HEXB: variants seen among roughly 807,000 people sequenced by gnomAD.
HEXB encodes beta-hexosaminidase subunit beta.
In HEXB, 51 loss-of-function variants were observed where a neutral mutation model predicts 71.2. That is an observed-to-expected ratio of 0.72 (90% CI 0.57 to 0.90). HEXB has a LOEUF of 0.90. Ranked by LOEUF, HEXB falls within the 40% of genes least tolerant of loss-of-function variation. The pLI, the probability that HEXB is intolerant of heterozygous loss-of-function variation, is 0.00. For missense variants in HEXB, 617 were observed against 677.0 expected, an observed-to-expected ratio of 0.91 and a Z score of 0.98; for synonymous variants, 266 against 249.3, an observed-to-expected ratio of 1.07 and a Z score of -0.63.
chr5:74,720,384 A>T (rs754303404), intron 11 of HEXB, 44 bp from the exon 12 acceptor site: 14 of 1,335,378 alleles, frequency 1.0e-5, no homozygotes, highest in African/African-American at 1.4e-5. Flanking sequence ...GCCTCTGTGT[A>T]TAAGCTTTGA....
At chr5:74,704,969 G>A (rs543049663) in intron 5 of HEXB, among the ~76,000 whole-genome samples, 88 of 152,042 alleles carry the variant, frequency 5.8e-4, no homozygotes, top group Non-Finnish European at 9.6e-4. Context: ...GTGGGCGCCT[G>A]TAGTCCCAGC....
chr5:74,718,876 T>A lies in HEXB; in HGVS notation c.1322T>A (p.Phe441Tyr). The A allele has an allele frequency of 6.2e-7, 1 of 1,614,050 alleles. No homozygotes were observed. The highest frequency in any genetic ancestry group is 1.1e-5 in the South Asian group (1 of 91,084). Residue 441 changes from phenylalanine (F) to tyrosine (Y), a missense_variant, in exon 11 of 14, where the codon TTC becomes TAC. Physicochemically the swap from Phe to Tyr is conservative, Grantham distance 22. Transcript: ENST00000261416. ...EELSRVTASG[F>Y]PVILSAPWYL... Reference sequence around the variant, plus strand: ...CTCAGTAGAGTCACAGCATCTGGCTTCCCTGTAATCCTTTCTGCTCCTTGG... The same window carrying A: ...CTCAGTAGAGTCACAGCATCTGGCTACCCTGTAATCCTTTCTGCTCCTTGG...
At chr5:74,709,915 G>A (rs1580392548) in intron 6 of HEXB, among the ~76,000 whole-genome samples, 1 of 151,924 alleles carries the variant, frequency 6.6e-6, no homozygotes, top group East Asian at 1.9e-4. Context: ...GAAAAAGAGG[G>A]AATCCTCCCT....
At chr5:74,689,573 A>G (rs1580379689) in intron 2 of HEXB, 100 bp downstream of exon 2, 6 of 934,114 alleles carry the variant, frequency 6.4e-6, no homozygotes, top group South Asian at 3.9e-5. Context: ...TGAGTTCTCA[A>G]CCAGTGAGTT....
chr5:74,697,988 AG>A (rs1156740776), intron 5 of HEXB, among the ~76,000 whole-genome samples: 1 of 151,852 alleles, frequency 6.6e-6, no homozygotes, highest in Admixed American at 6.6e-5. Flanking sequence ...GCCAATTTGT[AG>A]GGGTGGGGAG....
chr5:74,640,470 G>C (rs1371830774), exon 1 of HEXB: 1 of 152,292 alleles, frequency 6.6e-6, no homozygotes, highest in African/African-American at 2.4e-5. Context: ...CTCGCGGACC[G>C]GCTACCGATG....
Position 74,715,638 on chromosome 5 carries a change from T to G in HEXB, c.1030T>G (p.Phe344Val). Residue 344 changes from phenylalanine to valine, a missense_variant, in exon 8 of 14, where the codon TTT (phenylalanine) becomes GTT (valine). By Grantham distance (50) the Phe-to-Val change is conservative (BLOSUM62 -1). Coordinates refer to ENST00000261416, the MANE Select transcript of HEXB (RefSeq NM_000521.4). ...ATTTTTCAAAGAAATTAGTGAGGTG[T>G]TTCCAGATCAATTCATTCATTTGGG... ...TTFFKEISEV[F>V]PDQFIHLGGD... 6.2e-7 allele frequency: 1 copy of G among 1,610,676 alleles called. No homozygotes were observed. Among genetic ancestry groups the G allele is most frequent in the Non-Finnish European group, 8.5e-7 (1 of 1,177,028 alleles).
intron 3 of HEXB, among the ~76,000 whole-genome samples, chr5:74,694,278 A>G (rs1463950283): frequency 6.6e-6 from 1 of 152,238 alleles, no homozygotes; most frequent in East Asian, 1.9e-4. Flanking sequence ...TGGGACTGTA[A>G]TGTTTATAGC....
chr5:74,714,070 C>T (rs1749617359), intron 7 of HEXB, among the ~76,000 whole-genome samples: 1 of 152,218 alleles, frequency 6.6e-6, no homozygotes, highest in African/African-American at 2.4e-5. Context: ...CTCCCCTCCT[C>T]ATGATCGGCC....
intron 5 of HEXB, among the ~76,000 whole-genome samples, chr5:74,701,454 T>C (rs563909756): frequency 2.6e-5 from 4 of 152,332 alleles, no homozygotes; most frequent in African/African-American, 9.6e-5. Context: ...TACAATTCCC[T>C]ATTGCTTTCA....
At chr5:74,686,542 T>A (rs936892949) in intron 1 of HEXB, among the ~76,000 whole-genome samples, 10 of 152,178 alleles carry the variant, frequency 6.6e-5, no homozygotes, top group Admixed American at 3.9e-4. Context: ...CTGAATAATG[T>A]GTTCTGACCC....
In HEXB at chr5:74,652,614, G is replaced by A. The variant is rs1748139809; in HGVS notation, c.-377+12056G>A. Among the ~76,000 whole-genome samples, 1 of 152,100 alleles carries A rather than the reference G, an allele frequency of 6.6e-6. No homozygotes were observed. Among genetic ancestry groups the A allele is most frequent in the South Asian group, 2.1e-4 (1 of 4,824 alleles). On this transcript the variant is annotated intron_variant, in intron 1 of 13. Transcript: ENST00000511181. This position sits in a 1 kb window ranked among gnomAD's most constrained non-coding sequence, Gnocchi z 5.4. ...TAAGACCCTAATCTGCTAGTTTGGT[G>A]GAAACTTCATTTGAGTCATGTAAGG...
At chr5:74,671,851 G>C (rs879387122) in intron 1 of HEXB, among the ~76,000 whole-genome samples, 4 of 152,280 alleles carry the variant, frequency 2.6e-5, no homozygotes, top group Non-Finnish European at 5.9e-5. Context: ...CATGATACCT[G>C]AGATGCTTCC....
chr5:74,700,214 C>A (rs1749230348), intron 5 of HEXB, among the ~76,000 whole-genome samples: 1 of 151,060 alleles, frequency 6.6e-6, no homozygotes, highest in Admixed American at 6.6e-5. Context: ...TGCCATGTTG[C>A]CCAGGCTGGT....
chr5:74,680,421 T>C (rs374796983), upstream of HEXB, among the ~76,000 whole-genome samples: 41 of 152,264 alleles, frequency 2.7e-4, no homozygotes, highest in African/African-American at 9.4e-4. Context: ...AGTTCACAGG[T>C]CTTCACACTA....
intron 5 of HEXB, among the ~76,000 whole-genome samples, chr5:74,697,727 C>CAA (rs34363294): frequency 0.017 from 1,894 of 109,860 alleles, 51 homozygotes; most frequent in African/African-American, 0.051. Context: ...GACTCTGTCT[C>CAA]AAAAAAAAAA....
At position 74,697,727 on chromosome 5, in the gene HEXB, CAA is replaced by C. The variant is rs34363294; in HGVS notation, c.669+639_669+640del. Among the ~76,000 whole-genome samples the C allele has an allele frequency of 3.8e-3, 423 of 110,364 alleles. 1 individual carries two copies. Among genetic ancestry groups the C allele is most frequent in the African/African-American group, 0.013 (385 of 28,536 alleles). 72.4% of individuals were successfully genotyped at this position (110,364 alleles called of 152,430 possible). On this transcript the variant is annotated intron_variant, in intron 5 of 13. Transcript: ENST00000261416. ...TGGGCGACAGAGCAAGACTCTGTCTCAAAAAAAAAAAAAAAAAAAGGAATACG... is the reference window on the plus strand; with the variant it reads ...TGGGCGACAGAGCAAGACTCTGTCTCAAAAAAAAAAAAAAAAAGGAATACG...
chr5:74,714,973 G>C (rs1024163403), intron 7 of HEXB, among the ~76,000 whole-genome samples: 2 of 152,172 alleles, frequency 1.3e-5, no homozygotes, highest in African/African-American at 4.8e-5. Context: ...GACCAGGAGG[G>C]TGATAGTGGG....
intron 1 of HEXB, among the ~76,000 whole-genome samples, chr5:74,673,739 T>C (rs181750329): frequency 1.7e-4 from 26 of 152,236 alleles, no homozygotes; most frequent in Non-Finnish European, 3.1e-4. Flanking sequence ...AGACTGGAGC[T>C]GAAATGGTGT....
Sources: gnomAD v4.1 joint callset for allele counts (sites outside exome capture counted in the v4.1 genomes callset) on GRCh38, gnomAD v4.1.1 for gene constraint, Gnocchi (gnomAD v3.1) non-coding constraint, MANE v1.5 for transcripts, NCBI Gene and HGNC (gene_info 2026-07-23, HGNC 2026-07-21) for gene names.